The following ARRB1 variants were observed in gnomAD, a reference collection of about 807,000 sequenced individuals.
ARRB1 encodes the protein beta-arrestin-1.
In ARRB1, 21 loss-of-function variants were observed where a neutral mutation model predicts 56.8. That is an observed-to-expected ratio of 0.37 (90% CI 0.26 to 0.53). The LOEUF is 0.53. Ranked by LOEUF, ARRB1 falls within the 20% of genes least tolerant of loss-of-function variation. The probability of loss-of-function intolerance (pLI) is 0.88; values close to 1 mark genes in which losing one functional copy is unlikely to be tolerated. For synonymous variants in ARRB1, 210 were observed against 218.6 expected, an observed-to-expected ratio of 0.96 and a Z score of 0.35; for missense variants, 424 against 553.7, an observed-to-expected ratio of 0.77 and a Z score of 2.35.
chr11:75,274,361 G>A (rs1051911219), intron 10 of ARRB1, 150 bp from the exon 11 acceptor site: 6 of 1,078,614 alleles, frequency 5.6e-6, no homozygotes, highest in African/African-American at 1.6e-5. Flanking sequence ...ACTTGGGCCA[G>A]CCCAGCTCGG....
At chr11:75,322,580 T>C (rs148219223) in intron 1 of ARRB1, among the ~76,000 whole-genome samples, 37 of 152,176 alleles carry the variant, frequency 2.4e-4, no homozygotes, top group African/African-American at 8.9e-4. Context: ...GGGGAATCAC[T>C]GAAGGTACAA....
chr11:75,311,735 T>A (rs1032825970), intron 1 of ARRB1, among the ~76,000 whole-genome samples: 1 of 152,226 alleles, frequency 6.6e-6, no homozygotes, highest in Non-Finnish European at 1.5e-5. Context: ...AAACGGTGAC[T>A]GATTTCTGAG....
chr11:75,263,946 C>T lies in ARRB1; in HGVS notation c.*2217G>A, dbSNP rs35329661. On this transcript the variant is annotated 3_prime_UTR_variant, in exon 16 of 16. Transcript: ENST00000420843. ...GAGGTCATCCCAAACACTAAAGGAT[C>T]TTGTGTCAGCCCCAAAGGTTTCAGA... is the stretch of plus-strand genomic sequence containing the variant. Among the ~76,000 whole-genome samples the T allele has an allele frequency of 0.015, 2,299 of 152,306 alleles. 23 individuals carry two copies. Among genetic ancestry groups the T allele is most frequent in the Middle Eastern group, 0.034 (10 of 294 alleles).
chr11:75,328,025 A>G lies in ARRB1; in HGVS notation c.20+23563T>C, dbSNP rs144351914. ...ATTCACAACGTTGTGCAAAACCGCC[A>G]CTTCTATCTAGATCCAACGCATTTC... On this transcript the variant is annotated intron_variant, in intron 1 of 15. Transcript: ENST00000420843. Among the ~76,000 whole-genome samples, 64 of 152,360 alleles carry G rather than the reference A, an allele frequency of 4.2e-4. No homozygotes were observed. In the East Asian group the frequency reaches 0.012, roughly 28 times the overall value.
chr11:75,341,860 C>T (rs946953895), intron 1 of ARRB1, among the ~76,000 whole-genome samples: 4 of 152,226 alleles, frequency 2.6e-5, no homozygotes, highest in Non-Finnish European at 5.9e-5. Context: ...AACTGTCTTC[C>T]CTTCCCACCC....
At chr11:75,305,020 T>TA (rs1554978728) in intron 1 of ARRB1, among the ~76,000 whole-genome samples, 1 of 72,092 alleles carries the variant, frequency 1.4e-5, no homozygotes, top group Non-Finnish European at 2.7e-5. Context: ...CTTTCTTTCT[T>TA]TTTTTTTTTT....
At chr11:75,287,607 T>C (rs1946511710) in intron 2 of ARRB1, among the ~76,000 whole-genome samples, 1 of 152,228 alleles carries the variant, frequency 6.6e-6, no homozygotes, top group Admixed American at 6.5e-5. Flanking sequence ...GAGTCATTAT[T>C]GTTCCTGTTT....
At chr11:75,281,837 A>T in intron 6 of ARRB1, 125 bp downstream of exon 6, 2 of 981,434 alleles carry the variant, frequency 2.0e-6, no homozygotes, top group Non-Finnish European at 3.1e-6. Context: ...AGCTTAGCCT[A>T]GACACAAAGA....
At chr11:75,296,188 A>AT (rs1262922739) in intron 1 of ARRB1, among the ~76,000 whole-genome samples, 2 of 150,110 alleles carry the variant, frequency 1.3e-5, no homozygotes, top group Admixed American at 6.6e-5. Context: ...TTTGTCTCAA[A>AT]AAAAAAAAAA....
chr11:75,335,186 G>A (rs925003670), intron 1 of ARRB1: 2 of 228,928 alleles, frequency 8.7e-6, no homozygotes, highest in South Asian at 5.9e-5. Flanking sequence ...AGACAGATGA[G>A]GCTCCGGAAG....
intron 10 of ARRB1, among the ~76,000 whole-genome samples, chr11:75,276,396 T>C (rs1946202101): frequency 6.6e-6 from 1 of 152,214 alleles, no homozygotes; most frequent in Admixed American, 6.5e-5. Context: ...AATTATTCTC[T>C]GCACTCCCAC....
rs747451315 is a variant in ARRB1, at chr11:75,266,121, C to G, written c.*42G>C. On this transcript the variant is annotated 3_prime_UTR_variant, in exon 16 of 16. Coordinates refer to ENST00000420843, the MANE Select transcript of ARRB1 (RefSeq NM_004041.5). ...GAAGACGAGTAAGCATCCGAGTGCA[C>G]GAGAGTGGAGCCGGAGCCACGTGGA... 2 of 1,484,628 alleles carry G rather than the reference C, an allele frequency of 1.3e-6. No individual in the cohort carries two copies. Among genetic ancestry groups the G allele is most frequent in the South Asian group, 2.3e-5 (2 of 88,394 alleles). 92.0% of individuals were successfully genotyped at this position (1,484,628 alleles called of 1,614,324 possible). A position where few individuals can be genotyped will look rare whatever the true frequency, so the allele number is the denominator to read the frequency against.
chr11:75,268,234 G>C (rs1945981255), intron 14 of ARRB1, among the ~76,000 whole-genome samples: 1 of 152,130 alleles, frequency 6.6e-6, no homozygotes, highest in Admixed American at 6.5e-5. Flanking sequence ...GCCAGGCATG[G>C]TAGCTCATGC....
intron 1 of ARRB1, among the ~76,000 whole-genome samples, chr11:75,315,710 G>A (rs1034333802): frequency 6.6e-6 from 1 of 152,154 alleles, no homozygotes; most frequent in Non-Finnish European, 1.5e-5. Flanking sequence ...TCCACTATAA[G>A]CCAGTTTCCT....
At chr11:75,304,483 C>T (rs1166593621) in intron 1 of ARRB1, among the ~76,000 whole-genome samples, 1 of 151,990 alleles carries the variant, frequency 6.6e-6, no homozygotes, top group Non-Finnish European at 1.5e-5. Flanking sequence ...CCACGGTGTG[C>T]TGAGCTGGCT....
intron 1 of ARRB1, among the ~76,000 whole-genome samples, chr11:75,315,085 T>TG (rs1437957076): frequency 2.0e-5 from 3 of 152,164 alleles, no homozygotes; most frequent in Non-Finnish European, 4.4e-5. Context: ...CGCTGCGGGA[T>TG]GGGGGAGATC....
chr11:75,345,842 C>T (rs1008409620), intron 1 of ARRB1, among the ~76,000 whole-genome samples: 15 of 152,102 alleles, frequency 9.9e-5, no homozygotes, highest in African/African-American at 3.4e-4. Flanking sequence ...GTCCCTGGAC[C>T]GATAGCAGAG....
At position 75,274,164 on chromosome 11, in the gene ARRB1, G is replaced by C. The variant is rs78979036; in HGVS notation, c.824C>G (p.Thr275Ser). ...CTCTCGGTTATTGGCTAGGAAGGGG[G>C]TCAGTGTGTAGACCTTGCAGAACGT... ...SSTFCKVYTL[T>S]PFLANNREKR... The change falls in exon 11 of 16, where the codon ACC (threonine) becomes AGC (serine). Residue 275 changes from threonine to serine, a missense_variant. By Grantham distance (58) the Thr-to-Ser change is moderately conservative (BLOSUM62 1). Around this residue, in one of 3 missense-constraint regions of ARRB1, gnomAD observed 301 missense variants for 387.9 expected, o/e 0.78. Transcript: ENST00000420843. 1 of 1,614,238 alleles carries C rather than the reference G, an allele frequency of 6.2e-7. No homozygotes were observed. Among genetic ancestry groups the C allele is most frequent in the South Asian group, 1.1e-5 (1 of 91,088 alleles).
At chr11:75,348,605 TTTTA>T (rs1235619971) in intron 1 of ARRB1, among the ~76,000 whole-genome samples, 4 of 151,982 alleles carry the variant, frequency 2.6e-5, no homozygotes, top group African/African-American at 9.7e-5. Flanking sequence ...TATTTTTTTT[TTTTA>T]TTTTTTCAGA....
Sources: allele counts gnomAD v4.1 joint callset (sites outside exome capture counted in the v4.1 genomes callset), GRCh38; gene constraint gnomAD v4.1.1; regional missense constraint gnomAD v4.1.1; transcripts MANE v1.5; gene names NCBI Gene and HGNC (gene_info 2026-07-23, HGNC 2026-07-21).